The following HOXC13 variants were observed in gnomAD, a reference collection of about 807,000 sequenced individuals.
HOXC13 encodes homeobox protein Hox-C13.
A neutral mutation model predicts 25.9 loss-of-function variants in HOXC13; 10 were observed. The observed-to-expected ratio is 0.39, with a 90% CI of 0.24 to 0.65. The LOEUF is 0.65. Ranked by LOEUF, HOXC13 falls within the 30% of genes least tolerant of loss-of-function variation. The pLI is 0.50. For synonymous variants in HOXC13, 233 were observed against 217.1 expected, an observed-to-expected ratio of 1.07 and a Z score of -0.64; for missense variants, 439 against 478.3, an observed-to-expected ratio of 0.92 and a Z score of 0.77.
At chr12:53,944,429 C>T (rs1938657749) in intron 1 of HOXC13, among the ~76,000 whole-genome samples, 1 of 152,162 alleles carries the variant, frequency 6.6e-6, no homozygotes, top group Non-Finnish European at 1.5e-5. Context: ...CCCCTGCCTG[C>T]CATGCCCTCC....
At chr12:53,940,048 G>A (rs1938585108) in intron 1 of HOXC13, among the ~76,000 whole-genome samples, 1 of 152,240 alleles carries the variant, frequency 6.6e-6, no homozygotes, top group Non-Finnish European at 1.5e-5. Flanking sequence ...CCGAATAACT[G>A]GGGAGGGCGG....
Position 53,945,579 on chromosome 12 carries a change from C to T in HOXC13, c.*323C>T. 2 of 421,290 alleles carry T rather than the reference C, an allele frequency of 4.7e-6. No individual in the cohort carries two copies. Among genetic ancestry groups the T allele is most frequent in the Non-Finnish European group, 8.7e-6 (2 of 229,790 alleles). The allele number at this position is 421,290 out of a possible 1,614,324, so 26.1% of individuals were successfully genotyped here. On this transcript the variant is annotated 3_prime_UTR_variant, in exon 2 of 2. Transcript: ENST00000243056. The surrounding 1 kb of genome is among the most constrained non-coding windows in gnomAD (Gnocchi z 4.4). ...ACCTTGCCAGAAAGTCTGGTGGCAG[C>T]GCAGAGCCCAATCATTCCAACCAAA...
At chr12:53,940,948 TA>T (rs1018430691) in intron 1 of HOXC13, among the ~76,000 whole-genome samples, 1 of 151,198 alleles carries the variant, frequency 6.6e-6, no homozygotes, top group Admixed American at 6.6e-5. Context: ...GTAGGTGGTT[TA>T]AAAAAAAATA....
At position 53,939,455 on chromosome 12, in the gene HOXC13, G is replaced by A. The variant is rs199766120; in HGVS notation, c.549G>A (p.Gln183=). The A allele has an allele frequency of 6.2e-7, 1 of 1,607,938 alleles. No individual in the cohort carries two copies. The highest frequency in any genetic ancestry group is 1.7e-5 in the Admixed American group (1 of 59,804). ...AFYPSFASSY[Q]AMPGYLDVSV... ...ACCCCAGCTTCGCCAGCTCCTACCA[G>A]GCGATGCCCGGCTACCTGGACGTGT... The change falls in exon 1 of 2, where the codon CAG becomes CAA. Residue 183 remains glutamine, a synonymous_variant. Coordinates refer to ENST00000243056, the MANE Select transcript of HOXC13 (RefSeq NM_017410.3). This position sits in a 1 kb window ranked among gnomAD's most constrained non-coding sequence, Gnocchi z 6.7.
intron 1 of HOXC13, among the ~76,000 whole-genome samples, chr12:53,940,525 G>A (rs371457673): frequency 1.1e-4 from 17 of 152,294 alleles, no homozygotes; most frequent in Admixed American, 3.9e-4. Flanking sequence ...CTAAGGATGG[G>A]AAGGGAGAAT....
rs1031178196 is a variant in HOXC13 at position 53,945,300 on chromosome 12, G to A, written c.*44G>A. ...CCCCATCTATTTATGTCTCCGCTTTGTACCATAACCGAACCCACGGAAAGA... is the reference window on the plus strand; with the variant it reads ...CCCCATCTATTTATGTCTCCGCTTTATACCATAACCGAACCCACGGAAAGA... On this transcript the variant is annotated 3_prime_UTR_variant, in exon 2 of 2. Transcript: ENST00000243056. This position sits in a 1 kb window ranked among gnomAD's most constrained non-coding sequence, Gnocchi z 4.4. The A allele has an allele frequency of 6.2e-7, 1 of 1,602,886 alleles. No homozygotes were observed. The highest frequency in any genetic ancestry group is 8.5e-7 in the Non-Finnish European group (1 of 1,172,260).
chr12:53,943,162 T>A (rs1394810586), intron 1 of HOXC13, among the ~76,000 whole-genome samples: 1 of 152,240 alleles, frequency 6.6e-6, no homozygotes, highest in East Asian at 1.9e-4. Context: ...TTCTGCCACT[T>A]AAGTTATTTT....
rs955854029 is a variant in HOXC13, at chr12:53,939,843, C to G, written c.736+201C>G. Among the ~76,000 whole-genome samples the G allele has an allele frequency of 5.9e-5, 9 of 152,352 alleles. No homozygotes were observed. The highest frequency in any genetic ancestry group is 2.2e-4 in the African/African-American group (9 of 41,594). ...CTCCGACACGTTCTCTGTAGCTGCC[C>G]GGCCGAGAATGAAGCAATCACAGGC... On this transcript the variant is annotated intron_variant, in intron 1 of 1. Transcript: ENST00000243056. The surrounding 1 kb of genome is among the most constrained non-coding windows in gnomAD (Gnocchi z 6.7).
chr12:53,943,201 T>C (rs906192583), intron 1 of HOXC13, among the ~76,000 whole-genome samples: 1 of 152,262 alleles, frequency 6.6e-6, no homozygotes, highest in Non-Finnish European at 1.5e-5. Flanking sequence ...ATTCCTAATC[T>C]TGTAAAATGA....
intron 1 of HOXC13, among the ~76,000 whole-genome samples, chr12:53,942,151 A>G (rs1024219544): frequency 4.0e-5 from 3 of 74,244 alleles, no homozygotes; most frequent in African/African-American, 1.2e-4. Context: ...CGGTGAGTGT[A>G]GACTTTTTTT....
Position 53,945,353 on chromosome 12 carries a change from A to G in HOXC13, c.*97A>G. 6.9e-7 allele frequency: 1 copy of G among 1,442,380 alleles called. No homozygotes were observed. Among genetic ancestry groups the G allele is most frequent in the African/African-American group, 1.4e-5 (1 of 70,972 alleles). 89.3% of individuals were successfully genotyped at this position (1,442,380 alleles called of 1,614,324 possible). A position where few individuals can be genotyped will look rare whatever the true frequency, so the allele number is the denominator to read the frequency against. ...CTGCGCGGGTGCAGAAGAGTATTTA[A>G]TGTTAAGGAAAGAGAAGAACCGCGC... is the stretch of plus-strand genomic sequence containing the variant. On this transcript the variant is annotated 3_prime_UTR_variant, in exon 2 of 2. Transcript: ENST00000243056. This position sits in a 1 kb window ranked among gnomAD's most constrained non-coding sequence, Gnocchi z 4.4.
intron 1 of HOXC13, among the ~76,000 whole-genome samples, chr12:53,943,590 C>G (rs901223647): frequency 4.1e-5 from 6 of 147,734 alleles, no homozygotes; most frequent in Non-Finnish European, 9.0e-5. Flanking sequence ...TGGACCCCGT[C>G]TCCCATTTTC....
Position 53,939,680 on chromosome 12 carries a change from C to G in HOXC13, c.736+38C>G. The G allele has an allele frequency of 4.5e-6, 6 of 1,322,642 alleles. No individual in the cohort carries two copies. Among genetic ancestry groups the G allele is most frequent in the Non-Finnish European group, 5.8e-6 (6 of 1,034,394 alleles). 81.9% of individuals were successfully genotyped at this position (1,322,642 alleles called of 1,614,324 possible). On this transcript the variant is annotated intron_variant, in intron 1 of 1. Coordinates refer to ENST00000243056, the MANE Select transcript of HOXC13 (RefSeq NM_017410.3). This position sits in a 1 kb window ranked among gnomAD's most constrained non-coding sequence, Gnocchi z 6.7. ...CCCGAGCGCCGCCGCCGCCGGGGAC[C>G]CCTCCCCGCCCTGCCTGCCCCGGGG...
Position 53,939,458 on chromosome 12 carries a change from G to C in HOXC13, c.552G>C (p.Ala184=). Residue 184 remains alanine, a synonymous_variant, in exon 1 of 2, where the codon GCG becomes GCC. Coordinates refer to ENST00000243056, the MANE Select transcript of HOXC13 (RefSeq NM_017410.3). The surrounding 1 kb of genome is among the most constrained non-coding windows in gnomAD (Gnocchi z 6.7). ...CCAGCTTCGCCAGCTCCTACCAGGC[G>C]ATGCCCGGCTACCTGGACGTGTCGG... ...FYPSFASSYQ[A]MPGYLDVSVV... The C allele has an allele frequency of 6.2e-7, 1 of 1,608,264 alleles. No individual in the cohort carries two copies. Among genetic ancestry groups the C allele is most frequent in the Non-Finnish European group, 8.5e-7 (1 of 1,179,088 alleles).
At position 53,939,230 on chromosome 12, in the gene HOXC13, G is replaced by A. The variant is rs1347437614; in HGVS notation, c.324G>A (p.Pro108=). The part of the protein sequence containing the change: ...APEAARQCAP[P]PAPPTSSSAT... ...AGGCGGCGCGCCAGTGTGCCCCGCC[G>A]CCCGCACCCCCCACCTCGTCCAGCG... Residue 108 remains proline (P), a synonymous_variant, in exon 1 of 2, where the codon CCG becomes CCA. Transcript: ENST00000243056. The surrounding 1 kb of genome is among the most constrained non-coding windows in gnomAD (Gnocchi z 6.7). 10 of 1,537,032 alleles carry A rather than the reference G, an allele frequency of 6.5e-6. No individual in the cohort carries two copies. Among genetic ancestry groups the A allele is most frequent in the Non-Finnish European group, 8.7e-6 (10 of 1,143,750 alleles).
rs1285385540 is a variant in HOXC13, at chr12:53,939,536, C to A, written c.630C>A (p.Pro210=). 6.2e-7 allele frequency: 1 copy of A among 1,612,256 alleles called. No homozygotes were observed. Among genetic ancestry groups the A allele is most frequent in the African/African-American group, 1.3e-5 (1 of 75,052 alleles). Residue 210 remains proline, a synonymous_variant, in exon 1 of 2, where the codon CCC becomes CCA. Coordinates refer to ENST00000243056, the MANE Select transcript of HOXC13 (RefSeq NM_017410.3). This position sits in a 1 kb window ranked among gnomAD's most constrained non-coding sequence, Gnocchi z 6.7. The part of the protein sequence containing the change: ...HPEPRHDALI[P]VEGYQHWALS... ...AGCCGCGTCACGACGCCCTCATCCC[C>A]GTCGAAGGCTACCAGCACTGGGCTC...
chr12:53,945,085 G>A lies in HOXC13; in HGVS notation c.822G>A (p.Glu274=). 1 of 1,614,204 alleles carries A rather than the reference G, an allele frequency of 6.2e-7. No individual in the cohort carries two copies. Among genetic ancestry groups the A allele is most frequent in the Non-Finnish European group, 8.5e-7 (1 of 1,180,044 alleles). The change falls in exon 2 of 2, where the codon GAG becomes GAA. Residue 274 remains glutamate, a synonymous_variant. Transcript: ENST00000243056. This position sits in a 1 kb window ranked among gnomAD's most constrained non-coding sequence, Gnocchi z 4.4. ...RVPYTKVQLK[E]LEKEYAASKF... The stretch of plus-strand genomic sequence containing the variant: ...CCTACACTAAGGTGCAGCTGAAGGA[G>A]CTAGAGAAGGAATACGCGGCTAGCA...
At chr12:53,943,985 A>G (rs990509634) in intron 1 of HOXC13, among the ~76,000 whole-genome samples, 1 of 152,206 alleles carries the variant, frequency 6.6e-6, no homozygotes, top group Non-Finnish European at 1.5e-5. Context: ...TGGAGTTAGA[A>G]GTGATATATA....
In HOXC13 at chr12:53,939,452, C is replaced by T. The variant is rs1938573785; in HGVS notation, c.546C>T (p.Tyr182=). ...TCTACCCCAGCTTCGCCAGCTCCTA[C>T]CAGGCGATGCCCGGCTACCTGGACG... ...FAFYPSFASS[Y]QAMPGYLDVS... is the part of the protein sequence containing the mutation. The change falls in exon 1 of 2, where the codon TAC becomes TAT. Residue 182 remains tyrosine, a synonymous_variant. Coordinates refer to ENST00000243056, the MANE Select transcript of HOXC13 (RefSeq NM_017410.3). This position sits in a 1 kb window ranked among gnomAD's most constrained non-coding sequence, Gnocchi z 6.7. 1 of 1,607,708 alleles carries T rather than the reference C, an allele frequency of 6.2e-7. No homozygotes were observed. Among genetic ancestry groups the T allele is most frequent in the East Asian group, 2.2e-5 (1 of 44,796 alleles).
Sources: allele counts gnomAD v4.1 joint callset (sites outside exome capture counted in the v4.1 genomes callset), GRCh38; gene constraint gnomAD v4.1.1; non-coding constraint Gnocchi (gnomAD v3.1); transcripts MANE v1.5; gene names NCBI Gene and HGNC (gene_info 2026-07-23, HGNC 2026-07-21).